PFKFB2: variants seen among roughly 807,000 people sequenced by gnomAD.
The protein encoded by PFKFB2 is 6-phosphofructo-2-kinase/fructose-2,6-bisphosphatase 2.
PFKFB2 carries 53 observed loss-of-function variants against 68.0 expected under a neutral mutation model. The observed-to-expected ratio is 0.78, with a 90% confidence interval of 0.63 to 0.98. The LOEUF (loss-of-function observed/expected upper bound fraction) is 0.98, where lower values mean the gene tolerates loss of function less well. Among genes scored for constraint, PFKFB2 ranks in the 50% least tolerant of loss-of-function variants. The probability of loss-of-function intolerance (pLI) is 0.00; values close to 1 mark genes in which losing one functional copy is unlikely to be tolerated. For missense variants in PFKFB2, 451 were observed against 642.0 expected (o/e 0.70, Z 3.22); for synonymous variants, 222 against 227.6 (o/e 0.98, Z 0.22).
chr1:207,063,913 G>GTGTGTGTGTGTGTGTGTGT lies in PFKFB2; in HGVS notation c.507+87_507+88insGTGTGTGTGTGTGTGTTGT. ...GGTGTGTGTGTGTGTGTGTGTGTGT[G>GTGTGTGTGTGTGTGTGTGT]TGTTGTTGGGGAGGGGTGTTTTCGT... On this transcript the variant is annotated intron_variant, in intron 7 of 14. Coordinates refer to ENST00000367080, the MANE Select transcript of PFKFB2 (RefSeq NM_006212.2). The surrounding 1 kb of genome is among the most constrained non-coding windows in gnomAD (Gnocchi z 4.1). 1 of 989,868 alleles carries GTGTGTGTGTGTGTGTGTGT rather than the reference G, an allele frequency of 1.0e-6. No individual in the cohort carries two copies. The highest frequency in any genetic ancestry group is 1.6e-6 in the Non-Finnish European group (1 of 619,492). 61.3% of individuals were successfully genotyped at this position (989,868 alleles called of 1,614,324 possible).
In PFKFB2 at chr1:207,069,414, C is replaced by T. The variant is rs751498669; in HGVS notation, c.988-10C>T. 1 of 1,606,540 alleles carries T rather than the reference C, an allele frequency of 6.2e-7. No homozygotes were observed. The highest frequency in any genetic ancestry group is 1.1e-5 in the South Asian group (1 of 90,922). On this transcript the variant is annotated splice_polypyrimidine_tract_variant and intron_variant, in intron 10 of 14. Transcript: ENST00000367080. The stretch of plus-strand genomic sequence containing the variant: ...ATCTCTTCAAGCCAGCTTCAAGTGG[C>T]TTTTTGCAGGGTGTGTGTGAAGAGA...
Position 207,076,798 on chromosome 1 carries a change from A to G in PFKFB2, c.*4427A>G. 1.0e-6 allele frequency: 1 copy of G among 985,344 alleles called. No homozygotes were observed. The highest frequency in any genetic ancestry group is 1.2e-6 in the Non-Finnish European group (1 of 829,868). 61.0% of individuals were successfully genotyped at this position (985,344 alleles called of 1,614,324 possible). A position where few individuals can be genotyped will look rare whatever the true frequency, so the allele number is the denominator to read the frequency against. The stretch of plus-strand genomic sequence containing the variant: ...TGTCTGTGTGCTGACTGATAGATAG[A>G]CTATAGTAAAATTTGGGTGTTGCCT... On this transcript the variant is annotated 3_prime_UTR_variant, in exon 15 of 15. Coordinates refer to ENST00000367080, the MANE Select transcript of PFKFB2 (RefSeq NM_006212.2).
upstream of PFKFB2, chr1:207,049,765 A>G (rs145353324): frequency 2.9e-4 from 444 of 1,550,274 alleles, 1 homozygote; most frequent in East Asian, 8.2e-3. Context: ...AAGAAATTAC[A>G]GAAGAAACCG....
Position 207,077,150 on chromosome 1 carries a change from C to T in PFKFB2, c.*4779C>T. The T allele has an allele frequency of 1.0e-5, 10 of 984,810 alleles. No individual in the cohort carries two copies. The highest frequency in any genetic ancestry group is 1.2e-5 in the Non-Finnish European group (10 of 829,452). 61.0% of individuals were successfully genotyped at this position (984,810 alleles called of 1,614,324 possible). A position where few individuals can be genotyped will look rare whatever the true frequency, so the allele number is the denominator to read the frequency against. On this transcript the variant is annotated 3_prime_UTR_variant, in exon 15 of 15. Coordinates refer to ENST00000367080, the MANE Select transcript of PFKFB2 (RefSeq NM_006212.2). ...TTTACTTGAAGTCATCTCATCCAGT[C>T]CCCTGCTTTAGGGCAGGACTTCAGT...
At chr1:207,080,124 T>A (rs1171181734), downstream of PFKFB2, 1 of 152,264 alleles carries the variant, frequency 6.6e-6, no homozygotes, top group Admixed American at 6.5e-5. Flanking sequence ...CCCCAGTGAT[T>A]GTCAAATGTA....
intron 11 of PFKFB2, among the ~76,000 whole-genome samples, 200 bp downstream of exon 11, chr1:207,069,728 G>T (rs1683410557): frequency 6.6e-6 from 1 of 152,154 alleles, no homozygotes; most frequent in Non-Finnish European, 1.5e-5. Flanking sequence ...GGGTGACAAG[G>T]CATCCTCTGT....
chr1:207,048,148 A>C (rs1291513847), intron 2 of PFKFB2: 1 of 152,646 alleles, frequency 6.6e-6, no homozygotes, highest in Non-Finnish European at 1.5e-5. Flanking sequence ...ACCCTGCTTA[A>C]CTTTAAAATG....
intron 2 of PFKFB2, chr1:207,045,753 A>G (rs1410783215): frequency 6.6e-6 from 1 of 152,130 alleles, no homozygotes; most frequent in East Asian, 1.9e-4. Flanking sequence ...GAAGCAAGTT[A>G]GGCATGGGCA....
At chr1:207,067,742 T>G (rs1304970485) in intron 9 of PFKFB2, 36 bp downstream of exon 9, 3 of 1,524,704 alleles carry the variant, frequency 2.0e-6, no homozygotes, top group Non-Finnish European at 2.7e-6. Flanking sequence ...TTTTCTAGGC[T>G]TAGAGTTAGA....
chr1:207,065,094 A>G lies in PFKFB2; in HGVS notation c.566A>G (p.Asp189Gly). 6.2e-7 allele frequency: 1 copy of G among 1,614,068 alleles called. No individual in the cohort carries two copies. The highest frequency in any genetic ancestry group is 8.5e-7 in the Non-Finnish European group (1 of 1,179,964). ...AGGAACAGAGAGAACGTGATGGAGG[A>G]CTTCCTGAAGAGAATTGAATGCTAC... ...PERNRENVME[D>G]FLKRIECYKV... The change falls in exon 8 of 15, where the codon GAC (aspartate) becomes GGC (glycine). Residue 189 changes from aspartate to glycine, a missense_variant. Asp to Gly is a moderately conservative substitution (Grantham distance 94). Transcript: ENST00000367080.
rs1683560922 is a variant in PFKFB2 at position 207,074,315 on chromosome 1, AC to A, written c.*1949del. ...GCAGATCATAATGTTAAATGATATA[AC>A]CCCCTGGAAGGCAGGCTGCTGTGTT... On this transcript the variant is annotated 3_prime_UTR_variant, in exon 15 of 15. Transcript: ENST00000367080. The A allele has an allele frequency of 2.0e-6, 2 of 985,176 alleles. No homozygotes were observed. The highest frequency in any genetic ancestry group is 2.4e-6 in the Non-Finnish European group (2 of 829,904). 61.0% of individuals were successfully genotyped at this position (985,176 alleles called of 1,614,324 possible). A position where few individuals can be genotyped will look rare whatever the true frequency, so the allele number is the denominator to read the frequency against.
rs994046101 is a variant in PFKFB2 at position 207,075,970 on chromosome 1, A to T, written c.*3599A>T. ...TGATTTTTACATTGAGTTTTAAAGT[A>T]GAATAAGAAAAGCTTCTAAAAACTT... On this transcript the variant is annotated 3_prime_UTR_variant, in exon 15 of 15. Coordinates refer to ENST00000367080, the MANE Select transcript of PFKFB2 (RefSeq NM_006212.2). The T allele has an allele frequency of 1.0e-6, 1 of 985,402 alleles. No homozygotes were observed. The highest frequency in any genetic ancestry group is 1.7e-5 in the African/African-American group (1 of 57,378). The allele number at this position is 985,402 out of a possible 1,614,324, so 61.0% of individuals were successfully genotyped here. A position where few individuals can be genotyped will look rare whatever the true frequency, so the allele number is the denominator to read the frequency against.
rs1049932607 is a variant in PFKFB2 at position 207,073,011 on chromosome 1, C to G, written c.*640C>G. On this transcript the variant is annotated 3_prime_UTR_variant, in exon 15 of 15. Coordinates refer to ENST00000367080, the MANE Select transcript of PFKFB2 (RefSeq NM_006212.2). ...TGGATCTGGACTGGAGGAGTCTTTC[C>G]TTTCCTTTCTCCCTTCCTCTCCAGC... is the stretch of plus-strand genomic sequence containing the variant. The G allele has an allele frequency of 4.0e-5, 39 of 985,350 alleles. No individual in the cohort carries two copies. The highest frequency in any genetic ancestry group is 4.5e-5 in the Non-Finnish European group (37 of 829,992). The allele number at this position is 985,350 out of a possible 1,614,324, so 61.0% of individuals were successfully genotyped here. A position where few individuals can be genotyped will look rare whatever the true frequency, so the allele number is the denominator to read the frequency against.
chr1:207,079,666 C>G (rs1314003269), downstream of PFKFB2: 1 of 152,258 alleles, frequency 6.6e-6, no homozygotes, highest in Non-Finnish European at 1.5e-5. Flanking sequence ...GCAAGACTCC[C>G]CAAAATGGGT....
At chr1:207,045,359 T>C (rs1374420583) in intron 2 of PFKFB2, 1 of 152,494 alleles carries the variant, frequency 6.6e-6, no homozygotes, top group Non-Finnish European at 1.5e-5. Context: ...TCTACTGTTA[T>C]CAAAACACCA....
At chr1:207,048,907 G>C (rs180697561), upstream of PFKFB2, 561 of 978,974 alleles carry the variant, frequency 5.7e-4, 5 homozygotes, top group East Asian at 0.013. Context: ...TAAGTTAAAA[G>C]GATGGTTCAA....
intron 2 of PFKFB2, chr1:207,061,022 GAT>G (rs972436488): frequency 7.4e-5 from 9 of 121,746 alleles, no homozygotes; most frequent in African/African-American, 3.6e-4. Context: ...ATATATTTAA[GAT>G]ATATATAAAT....
chr1:207,072,174 T>G, intron 14 of PFKFB2, 30 bp from the exon 15 acceptor site: 1 of 1,607,456 alleles, frequency 6.2e-7, no homozygotes, highest in Non-Finnish European at 8.5e-7. Context: ...TTGGCTTTCA[T>G]TTGTGTGGTG....
intron 14 of PFKFB2, 99 bp from the exon 15 acceptor site, chr1:207,072,105 G>A (rs561609289): frequency 5.2e-6 from 8 of 1,539,176 alleles, no homozygotes; most frequent in Non-Finnish European, 7.0e-6. Context: ...AGGAGCAGGA[G>A]TGAGGGAAGC....
Sources: allele counts gnomAD v4.1 joint callset (sites outside exome capture counted in the v4.1 genomes callset), GRCh38; gene constraint gnomAD v4.1.1; non-coding constraint Gnocchi (gnomAD v3.1); transcripts MANE v1.5; gene names NCBI Gene and HGNC (gene_info 2026-07-23, HGNC 2026-07-21).